Variants in FUBP1 observed in about 807,000 individuals in gnomAD.
The protein encoded by FUBP1 is far upstream element-binding protein 1.
A neutral mutation model predicts 94.9 loss-of-function variants in FUBP1; 16 were observed. The observed-to-expected ratio is 0.17, with a 90% CI of 0.11 to 0.26. FUBP1 has a LOEUF of 0.26. FUBP1 is among the 10% of genes least tolerant of loss of function. The pLI is 1.00. For synonymous variants in FUBP1, 279 were observed against 254.9 expected (o/e 1.09, Z -0.90); for missense variants, 583 against 808.6 (o/e 0.72, Z 3.38).
chr1:77,971,612 T>C (rs991294817), intron 1 of FUBP1, among the ~76,000 whole-genome samples: 1 of 152,132 alleles, frequency 6.6e-6, no homozygotes, highest in Non-Finnish European at 1.5e-5. Context: ...CCAACTGTAT[T>C]TCCTAGGACT....
chr1:77,964,705 C>T lies in FUBP1; in HGVS notation c.778G>A (p.Gly260Ser), dbSNP rs367853057. ...TACTCATTCCGAACTTCTCTGAAAC[C>T]GCCTTGATCACGAATTAACTCTAAC... ...MVLELIRDQG[G>S]FREVRNEYGS... Residue 260 changes from glycine to serine, a missense_variant, in exon 10 of 20, where the codon GGT becomes AGT. Coordinates refer to ENST00000370768, the MANE Select transcript of FUBP1 (RefSeq NM_003902.5). 3.8e-5 allele frequency: 62 copies of T among 1,613,160 alleles called. No homozygotes were observed. The highest frequency in any genetic ancestry group is 3.1e-4 in the African/African-American group (23 of 74,888).
chr1:77,952,716 T>C (rs1653710189), intron 18 of FUBP1, among the ~76,000 whole-genome samples: 1 of 152,226 alleles, frequency 6.6e-6, no homozygotes, highest in African/African-American at 2.4e-5. Flanking sequence ...CTAGAAGAAA[T>C]TAAAGCAGTT....
intron 18 of FUBP1, 68 bp from the exon 19 acceptor site, chr1:77,949,368 A>G (rs1001354523): frequency 1.6e-6 from 2 of 1,260,900 alleles, no homozygotes; most frequent in African/African-American, 3.0e-5. Context: ...TCTAATAAAA[A>G]CAATACCTTG....
chr1:77,967,745 A>C (rs1414248959), intron 3 of FUBP1, 79 bp from the exon 4 acceptor site: 1 of 848,672 alleles, frequency 1.2e-6, no homozygotes, highest in African/African-American at 1.7e-5. Flanking sequence ...CAATCACATC[A>C]AACATTCAAA....
intron 1 of FUBP1, among the ~76,000 whole-genome samples, chr1:77,974,136 T>G (rs967795075): frequency 2.1e-5 from 3 of 141,892 alleles, no homozygotes; most frequent in Admixed American, 6.9e-5. Flanking sequence ...ATTTTTTGGT[T>G]TTTTTTTTTT....
intron 16 of FUBP1, among the ~76,000 whole-genome samples, chr1:77,957,615 T>C (rs1654704477): frequency 6.6e-6 from 1 of 152,212 alleles, no homozygotes; most frequent in African/African-American, 2.4e-5. Flanking sequence ...TATTATACCT[T>C]CATTCTGAAC....
rs1028200574 is a variant in FUBP1, at chr1:77,946,205, A to G, written c.*2561T>C. ...TTTCCTAAATCTTGAAAACTGTGTA[A>G]TTGTCCTTTCTTAATATTAACACTT... On this transcript the variant is annotated 3_prime_UTR_variant, in exon 20 of 20. Coordinates refer to ENST00000370768, the MANE Select transcript of FUBP1 (RefSeq NM_003902.5). Among the ~76,000 whole-genome samples the G allele has an allele frequency of 6.6e-6, 1 of 151,954 alleles. No individual in the cohort carries two copies. Among genetic ancestry groups the G allele is most frequent in the African/African-American group, 2.4e-5 (1 of 41,414 alleles).
At chr1:77,972,749 G>A (rs560283184) in intron 1 of FUBP1, among the ~76,000 whole-genome samples, 10 of 151,432 alleles carry the variant, frequency 6.6e-5, no homozygotes, top group East Asian at 3.9e-4. Context: ...GTGACAGAGC[G>A]AGACTCTGTC....
chr1:77,960,150 T>C, intron 16 of FUBP1, 34 bp downstream of exon 16: 4 of 1,433,018 alleles, frequency 2.8e-6, no homozygotes, highest in Non-Finnish European at 3.9e-6. Flanking sequence ...TGGAAAATAA[T>C]ACAGATAACA....
intron 18 of FUBP1, 120 bp downstream of exon 18, chr1:77,955,135 T>A (rs1654210027): frequency 1.8e-6 from 1 of 570,174 alleles, no homozygotes; most frequent in African/African-American, 2.0e-5. Context: ...AAACTATAAT[T>A]TACAACTGTC....
intron 18 of FUBP1, among the ~76,000 whole-genome samples, chr1:77,953,352 G>A (rs529408637): frequency 5.3e-5 from 8 of 152,202 alleles, no homozygotes; most frequent in African/African-American, 7.2e-5. Context: ...TCAGCCGGAT[G>A]TGGTAGCAGG....
At chr1:77,964,212 C>G (rs747187309) in intron 11 of FUBP1, 42 bp downstream of exon 11, 3 of 1,539,060 alleles carry the variant, frequency 1.9e-6, no homozygotes, top group African/African-American at 2.7e-5. Flanking sequence ...TATGTCAAAA[C>G]TCACTGCTGC....
chr1:77,979,164 T>G (rs1215713757), upstream of FUBP1: 3 of 700,922 alleles, frequency 4.3e-6, no homozygotes, highest in Non-Finnish European at 7.0e-6. Flanking sequence ...TCGCGATGTT[T>G]CCGAGGCAAC....
rs1652340037 is a variant in FUBP1 at position 77,947,175 on chromosome 1, G to A, written c.*1591C>T. ...TTTTACACTGAAAAACAATATTTTAGGAGCACCAGTGAATAATACTATTCA... is the reference window on the plus strand; with the variant it reads ...TTTTACACTGAAAAACAATATTTTAAGAGCACCAGTGAATAATACTATTCA... On this transcript the variant is annotated 3_prime_UTR_variant, in exon 20 of 20. Transcript: ENST00000370768. 2 of 209,308 alleles carry A rather than the reference G, an allele frequency of 9.6e-6. No individual in the cohort carries two copies. Among genetic ancestry groups the A allele is most frequent in the Admixed American group, 5.7e-5 (1 of 17,558 alleles). The allele number at this position is 209,308 out of a possible 1,614,324, so 13.0% of individuals were successfully genotyped here.
intron 4 of FUBP1, 46 bp from the exon 5 acceptor site, chr1:77,967,147 T>G (rs1656659518): frequency 8.3e-7 from 1 of 1,201,240 alleles, no homozygotes; most frequent in African/African-American, 1.5e-5. Flanking sequence ...GAAAGATACT[T>G]TGTTTACAAA....
chr1:77,979,259 T>A (rs772483669), upstream of FUBP1: 2 of 460,384 alleles, frequency 4.3e-6, no homozygotes, highest in African/African-American at 2.0e-5. Flanking sequence ...GAGAACAGAA[T>A]TTCTTTTGGC....
At chr1:77,956,727 G>A (rs2102312395) in intron 16 of FUBP1, 27 bp from the exon 17 acceptor site, 1 of 1,594,688 alleles carries the variant, frequency 6.3e-7, no homozygotes, top group Non-Finnish European at 8.6e-7. Context: ...TTCAAGGTTT[G>A]CATGTGAAGT....
upstream of FUBP1, chr1:77,979,165 C>T: frequency 1.5e-6 from 1 of 685,980 alleles, no homozygotes; most frequent in South Asian, 2.0e-5. Flanking sequence ...CGCGATGTTT[C>T]CGAGGCAACG....
chr1:77,947,038 T>C lies in FUBP1; in HGVS notation c.*1728A>G, dbSNP rs920260967. Reference sequence around the variant, plus strand: ...GGTGCTCTCCACCAATGACAAAATATATATTTATGAAATGTGTTAAAATTG... The same window carrying C: ...GGTGCTCTCCACCAATGACAAAATACATATTTATGAAATGTGTTAAAATTG... On this transcript the variant is annotated 3_prime_UTR_variant, in exon 20 of 20. Transcript: ENST00000370768. 1.1e-4 allele frequency: 22 copies of C among 208,416 alleles called. No homozygotes were observed. Among genetic ancestry groups the C allele is most frequent in the Non-Finnish European group, 1.1e-4 (11 of 102,234 alleles). The allele number at this position is 208,416 out of a possible 1,614,324, so 12.9% of individuals were successfully genotyped here. A position where few individuals can be genotyped will look rare whatever the true frequency, so the allele number is the denominator to read the frequency against.
Sources: allele counts gnomAD v4.1 joint callset (sites outside exome capture counted in the v4.1 genomes callset), GRCh38; gene constraint gnomAD v4.1.1; transcripts MANE v1.5; gene names NCBI Gene and HGNC (gene_info 2026-07-23, HGNC 2026-07-21).